Variants in EPN2 observed in about 807,000 individuals in gnomAD.
The protein encoded by EPN2 is epsin 2, also known as epsin-2.
EPN2 carries 34 observed loss-of-function variants against 61.7 expected under a neutral mutation model. The ratio of observed to expected loss-of-function variants is 0.55; its 90% CI spans 0.42 to 0.73. EPN2 has a LOEUF of 0.73. Ranked by LOEUF, EPN2 falls within the 30% of genes least tolerant of loss-of-function variation. The probability of loss-of-function intolerance (pLI) is 0.00; values close to 1 mark genes in which losing one functional copy is unlikely to be tolerated. For synonymous variants in EPN2, 349 were observed against 353.6 expected (o/e 0.99, Z 0.15); for missense variants, 714 against 839.2 (o/e 0.85, Z 1.84).
At position 19,289,724 on chromosome 17, in the gene EPN2, GT is replaced by G. The variant is rs58087532; in HGVS notation, c.766+3954del. Among the ~76,000 whole-genome samples the G allele has an allele frequency of 5.9e-3, 460 of 78,036 alleles. 11 individuals carry two copies. The highest frequency in any genetic ancestry group is 0.018 in the African/African-American group (382 of 20,900). The allele number at this position is 78,036 out of a possible 152,430, so 51.2% of individuals were successfully genotyped here. ...TGTTCGGCCTCACCTGGCGCTCATGGTTTTTTTTTTTTTTTTTTTTGAGATG... is the reference window on the plus strand; with the variant it reads ...TGTTCGGCCTCACCTGGCGCTCATGGTTTTTTTTTTTTTTTTTTTGAGATG... On this transcript the variant is annotated intron_variant, in intron 4 of 10. Transcript: ENST00000314728.
chr17:19,306,619 G>C (rs1905856408), intron 4 of EPN2, among the ~76,000 whole-genome samples: 1 of 152,220 alleles, frequency 6.6e-6, no homozygotes, highest in African/African-American at 2.4e-5. Context: ...TGGCCTTGCA[G>C]ATGTGCTAGA....
chr17:19,317,572 A>AGGCT (rs1455417802), intron 7 of EPN2, among the ~76,000 whole-genome samples: 1 of 152,162 alleles, frequency 6.6e-6, no homozygotes, highest in East Asian at 1.9e-4. Flanking sequence ...GGGATGAGCC[A>AGGCT]GGCTGGCGGG....
chr17:19,247,998 G>T (rs1014059100), intron 1 of EPN2, among the ~76,000 whole-genome samples: 1 of 152,212 alleles, frequency 6.6e-6, no homozygotes, highest in Admixed American at 6.5e-5. Context: ...AATCAAGGGG[G>T]AGCCAGTAAT....
At chr17:19,252,887 C>T (rs2045029983) in intron 1 of EPN2, among the ~76,000 whole-genome samples, 1 of 152,136 alleles carries the variant, frequency 6.6e-6, no homozygotes, top group Non-Finnish European at 1.5e-5. Flanking sequence ...GATGGGGTTT[C>T]ACCATGTTTC....
chr17:19,268,855 A>G (rs1223379275), intron 1 of EPN2, among the ~76,000 whole-genome samples: 1 of 152,230 alleles, frequency 6.6e-6, no homozygotes, highest in Non-Finnish European at 1.5e-5. Context: ...GAAGCAGTAT[A>G]GAATGCCACA....
chr17:19,261,388 C>T (rs754739167), intron 1 of EPN2, among the ~76,000 whole-genome samples: 3 of 152,196 alleles, frequency 2.0e-5, no homozygotes, highest in Non-Finnish European at 4.4e-5. Flanking sequence ...TTATAGTTTT[C>T]TGTGGACAGT....
intron 1 of EPN2, among the ~76,000 whole-genome samples, chr17:19,261,259 G>A (rs2045138939): frequency 6.6e-6 from 1 of 152,240 alleles, no homozygotes; most frequent in African/African-American, 2.4e-5. Flanking sequence ...TCAACACAAG[G>A]TGTAGTCAAA....
chr17:19,328,352 T>C (rs1442944607), intron 7 of EPN2, among the ~76,000 whole-genome samples: 1 of 151,990 alleles, frequency 6.6e-6, no homozygotes, highest in African/African-American at 2.4e-5. Flanking sequence ...TGTGGGGAGA[T>C]AGGTTTGTTT....
At chr17:19,258,713 C>T (rs2045108414) in intron 1 of EPN2, among the ~76,000 whole-genome samples, 1 of 152,116 alleles carries the variant, frequency 6.6e-6, no homozygotes, top group African/African-American at 2.4e-5. Context: ...GGGCCCTTGG[C>T]GTCGATGCTG....
rs916622330 is a variant in EPN2 at position 19,336,533 on chromosome 17, G to A, written c.*2279G>A. ...CCCTGTTGCCCACTGCACTGATCATGAAGCCACCGGCCACTGCCACGCATG... is the reference window on the plus strand; with the variant it reads ...CCCTGTTGCCCACTGCACTGATCATAAAGCCACCGGCCACTGCCACGCATG... On this transcript the variant is annotated 3_prime_UTR_variant, in exon 11 of 11. Transcript: ENST00000314728. 6.5e-6 allele frequency: 1 copy of A among 152,708 alleles called. No homozygotes were observed. The highest frequency in any genetic ancestry group is 1.5e-5 in the Non-Finnish European group (1 of 68,052). 9.5% of individuals were successfully genotyped at this position (152,708 alleles called of 1,614,324 possible).
intron 1 of EPN2, among the ~76,000 whole-genome samples, chr17:19,263,655 A>G (rs1432663740): frequency 6.6e-6 from 1 of 152,128 alleles, no homozygotes; most frequent in Non-Finnish European, 1.5e-5. Context: ...TGCCTTGCAA[A>G]AGTGCAGCAA....
At chr17:19,301,134 G>A (rs1259454066) in intron 4 of EPN2, among the ~76,000 whole-genome samples, 2 of 152,136 alleles carry the variant, frequency 1.3e-5, no homozygotes, top group African/African-American at 4.8e-5. Flanking sequence ...GCAGGGCCCA[G>A]TGTTACTTGG....
chr17:19,288,665 G>A (rs71369412), intron 4 of EPN2, among the ~76,000 whole-genome samples: 4 of 152,212 alleles, frequency 2.6e-5, no homozygotes, highest in African/African-American at 4.8e-5. Flanking sequence ...GAGCGTGGCA[G>A]AGGTGGGCCT....
chr17:19,320,687 A>G (rs990661294), intron 7 of EPN2, among the ~76,000 whole-genome samples: 6 of 152,242 alleles, frequency 3.9e-5, no homozygotes, highest in African/African-American at 7.2e-5. Flanking sequence ...CCCAGGGTGC[A>G]TGAATACCAC....
At chr17:19,241,006 C>G (rs1180263401) in intron 1 of EPN2, among the ~76,000 whole-genome samples, 1 of 152,216 alleles carries the variant, frequency 6.6e-6, no homozygotes, top group African/African-American at 2.4e-5. Flanking sequence ...TCCACCTCAT[C>G]TGCAGGTGAG....
intron 4 of EPN2, among the ~76,000 whole-genome samples, chr17:19,287,394 G>A (rs1169603495): frequency 2.0e-5 from 3 of 152,036 alleles, no homozygotes; most frequent in Non-Finnish European, 4.4e-5. Context: ...GCAAACAAGT[G>A]TTATATGGAT....
chr17:19,301,968 A>G (rs1264316502), intron 4 of EPN2, among the ~76,000 whole-genome samples: 1 of 152,238 alleles, frequency 6.6e-6, no homozygotes, highest in Non-Finnish European at 1.5e-5. Flanking sequence ...CGTGGGGCAT[A>G]GGTCCTGAGT....
chr17:19,303,102 G>C (rs1297578334), intron 4 of EPN2, among the ~76,000 whole-genome samples: 1 of 152,256 alleles, frequency 6.6e-6, no homozygotes, highest in African/African-American at 2.4e-5. Context: ...GGGGAGAGCA[G>C]TGGGGCAGGA....
At chr17:19,321,982 G>C (rs554558987) in intron 7 of EPN2, among the ~76,000 whole-genome samples, 2 of 152,346 alleles carry the variant, frequency 1.3e-5, no homozygotes, top group Admixed American at 1.3e-4. Flanking sequence ...GGGGGTTAGA[G>C]TGAGGGCTTG....
Sources: allele counts gnomAD v4.1 joint callset (sites outside exome capture counted in the v4.1 genomes callset), GRCh38; gene constraint gnomAD v4.1.1; transcripts MANE v1.5; gene names NCBI Gene and HGNC (gene_info 2026-07-23, HGNC 2026-07-21).